The following KLHL1 variants were observed in gnomAD, a reference collection of about 807,000 sequenced individuals.
KLHL1 encodes kelch like family member 1.
KLHL1 carries 47 observed loss-of-function variants against 77.7 expected under a neutral mutation model. The observed-to-expected ratio is 0.60, with a 90% confidence interval of 0.48 to 0.77. The LOEUF (loss-of-function observed/expected upper bound fraction) is 0.77, where lower values mean the gene tolerates loss of function less well. Among genes scored for constraint, KLHL1 ranks in the 30% least tolerant of loss-of-function variants. The pLI, the probability that KLHL1 is intolerant of heterozygous loss-of-function variation, is 0.00. For synonymous variants in KLHL1, 360 were observed against 325.2 expected, an observed-to-expected ratio of 1.11 and a Z score of -1.15; for missense variants, 925 against 910.8, an observed-to-expected ratio of 1.02 and a Z score of -0.20.
At chr13:70,036,379 C>T (rs1215200853) in intron 1 of KLHL1, among the ~76,000 whole-genome samples, 1 of 151,854 alleles carries the variant, frequency 6.6e-6, no homozygotes, top group Non-Finnish European at 1.5e-5. Context: ...TATTTCAGAA[C>T]TTTTAAATTA....
In KLHL1 at chr13:70,018,734, AT is replaced by A. The variant is rs568605873; in HGVS notation, c.498-42933del. On this transcript the variant is annotated intron_variant, in intron 1 of 10. Coordinates refer to ENST00000377844, the MANE Select transcript of KLHL1 (RefSeq NM_020866.3). Reference sequence around the variant, plus strand: ...TTTAAAGATTTACAGAGAGGTCTAGATTTTTCCTTAAAGTAGATAATTGGGG... The same window carrying A: ...TTTAAAGATTTACAGAGAGGTCTAGATTTTCCTTAAAGTAGATAATTGGGG... Among the ~76,000 whole-genome samples, 960 of 150,006 alleles carry A rather than the reference AT, an allele frequency of 6.4e-3. 7 individuals carry two copies. The highest frequency in any genetic ancestry group is 0.012 in the South Asian group (59 of 4,828).
At chr13:69,840,766 G>A (rs1315561383) in intron 5 of KLHL1, among the ~76,000 whole-genome samples, 1 of 150,290 alleles carries the variant, frequency 6.7e-6, no homozygotes, top group Non-Finnish European at 1.5e-5. Context: ...AGTTTTGAAA[G>A]GACTACTATT....
intron 5 of KLHL1, among the ~76,000 whole-genome samples, chr13:69,860,518 T>A (rs1415577966): frequency 6.6e-6 from 1 of 152,024 alleles, no homozygotes; most frequent in Non-Finnish European, 1.5e-5. Flanking sequence ...GTTTATAGAT[T>A]CATGAATCCA....
In KLHL1 at chr13:69,913,969, C is replaced by CATTTCTACTAATAAACTG. The variant is rs1882329766; in HGVS notation, c.1014+26070_1014+26071insCAGTTTATTAGTAGAAAT. The stretch of plus-strand genomic sequence containing the variant: ...GGGTGAGCACAATCTAATCAACTGC[C>CATTTCTACTAATAAACTG]AGTACAGCTAGAATATAAAGCAGGA... On this transcript the variant is annotated intron_variant, in intron 4 of 10. Transcript: ENST00000377844. 1.3e-5 allele frequency among the ~76,000 whole-genome samples: 2 copies of CATTTCTACTAATAAACTG among 152,184 alleles called. 1 individual carries two copies. Among genetic ancestry groups the CATTTCTACTAATAAACTG allele is most frequent in the Non-Finnish European group, 2.9e-5 (2 of 68,042 alleles).
chr13:69,781,410 G>T (rs1011568231), intron 7 of KLHL1, among the ~76,000 whole-genome samples: 3 of 150,308 alleles, frequency 2.0e-5, no homozygotes, highest in African/African-American at 7.4e-5. Context: ...TCATACTTGA[G>T]AAATAGCTTG....
chr13:69,979,178 AT>A (rs372870197), intron 1 of KLHL1, among the ~76,000 whole-genome samples: 45,188 of 149,134 alleles, frequency 0.3, 7,808 homozygotes, highest in South Asian at 0.42. Context: ...CAAAAAAAAA[AT>A]AAATAAGTTC....
chr13:69,729,655 G>C (rs995326717), intron 8 of KLHL1, among the ~76,000 whole-genome samples: 1 of 151,928 alleles, frequency 6.6e-6, no homozygotes, highest in Non-Finnish European at 1.5e-5. Context: ...CATAGGAAAA[G>C]TACCCAGACA....
At chr13:70,085,630 G>A (rs1016146314) in intron 1 of KLHL1, among the ~76,000 whole-genome samples, 2 of 151,980 alleles carry the variant, frequency 1.3e-5, no homozygotes, top group South Asian at 2.1e-4. Context: ...TTGGGAGGCC[G>A]AGGCTGGAAG....
At chr13:69,948,132 G>C (rs187098173) in intron 3 of KLHL1, among the ~76,000 whole-genome samples, 2 of 152,148 alleles carry the variant, frequency 1.3e-5, no homozygotes, top group Admixed American at 1.3e-4. Flanking sequence ...CTCTTAGCAA[G>C]TCCAGAGGAA....
intron 5 of KLHL1, among the ~76,000 whole-genome samples, chr13:69,844,407 A>T (rs1879378745): frequency 6.6e-6 from 1 of 151,724 alleles, no homozygotes; most frequent in African/African-American, 2.4e-5. Flanking sequence ...TGACAAACTA[A>T]ATTACTTATA....
intron 6 of KLHL1, among the ~76,000 whole-genome samples, chr13:69,797,646 G>A (rs1244803215): frequency 2.1e-5 from 3 of 143,010 alleles, no homozygotes; most frequent in East Asian, 2.1e-4. Flanking sequence ...GTGAAACCCC[G>A]TCTCTACTAA....
At chr13:69,786,666 G>A (rs1462373116) in intron 7 of KLHL1, among the ~76,000 whole-genome samples, 3 of 152,142 alleles carry the variant, frequency 2.0e-5, no homozygotes, top group African/African-American at 7.2e-5. Flanking sequence ...GGTCAATTAG[G>A]CAGGAGAGGA....
chr13:69,741,849 A>T (rs189428299), intron 7 of KLHL1, among the ~76,000 whole-genome samples: 2 of 152,146 alleles, frequency 1.3e-5, no homozygotes, highest in Non-Finnish European at 1.5e-5. Context: ...AAGATATTCT[A>T]TCTCCCAGAC....
chr13:69,785,870 T>TACAA (rs1445068985), intron 7 of KLHL1, among the ~76,000 whole-genome samples: 2 of 152,168 alleles, frequency 1.3e-5, no homozygotes, highest in East Asian at 1.9e-4. Context: ...CAGAGAATAC[T>TACAA]ACAAACACAT....
chr13:70,062,706 GCTTA>G (rs1357017516), intron 1 of KLHL1, among the ~76,000 whole-genome samples: 1 of 151,966 alleles, frequency 6.6e-6, no homozygotes, highest in Non-Finnish European at 1.5e-5. Flanking sequence ...ACTTTTATCT[GCTTA>G]CTTATCATTC....
At chr13:70,092,778 T>A (rs566867590) in intron 1 of KLHL1, among the ~76,000 whole-genome samples, 3 of 152,160 alleles carry the variant, frequency 2.0e-5, no homozygotes, top group Admixed American at 6.6e-5. Context: ...TGGTTGCAAC[T>A]GTCTACATGT....
chr13:69,992,753 C>G (rs756822889), intron 1 of KLHL1, among the ~76,000 whole-genome samples: 3 of 151,984 alleles, frequency 2.0e-5, no homozygotes, highest in Non-Finnish European at 4.4e-5. Context: ...TTCAGACTCC[C>G]TCATTCTTAT....
At chr13:69,773,010 A>C (rs2137986227) in intron 7 of KLHL1, among the ~76,000 whole-genome samples, 1 of 152,068 alleles carries the variant, frequency 6.6e-6, no homozygotes, top group East Asian at 1.9e-4. Context: ...CCGAGTGAGA[A>C]AGCATTTGAT....
chr13:69,989,321 C>T (rs879860141), intron 1 of KLHL1, among the ~76,000 whole-genome samples: 12 of 151,710 alleles, frequency 7.9e-5, no homozygotes, highest in Non-Finnish European at 1.6e-4. Context: ...CTATGCGTCT[C>T]TTTTTGTACT....
Sources: gnomAD v4.1 joint callset for allele counts (sites outside exome capture counted in the v4.1 genomes callset) on GRCh38, gnomAD v4.1.1 for gene constraint, MANE v1.5 for transcripts, NCBI Gene and HGNC (gene_info 2026-07-23, HGNC 2026-07-21) for gene names.